Variants in SNX14 observed in about 807,000 individuals in gnomAD.
SNX14 encodes sorting nexin 14.
Under a neutral mutation model 133.8 loss-of-function variants are expected in SNX14, and 93 were observed. The ratio of observed to expected loss-of-function variants is 0.70; its 90% confidence interval spans 0.59 to 0.83. The LOEUF is 0.83. SNX14 is among the 40% of genes least tolerant of loss of function. The pLI, the probability that SNX14 is intolerant of heterozygous loss-of-function variation, is 0.00. For missense variants in SNX14, 945 were observed against 1,094.9 expected (o/e 0.86, Z 1.93); for synonymous variants, 368 against 365.6 (o/e 1.01, Z -0.07).
At chr6:85,528,130 A>G (rs1266943046) in intron 20 of SNX14, 132 bp downstream of exon 20, 1 of 554,802 alleles carries the variant, frequency 1.8e-6, no homozygotes, top group Admixed American at 3.5e-5. Context: ...TCACAAGGAA[A>G]AATATTTTCT....
chr6:85,562,882 C>A (rs946943524), intron 6 of SNX14, among the ~76,000 whole-genome samples: 1 of 151,992 alleles, frequency 6.6e-6, no homozygotes, highest in African/African-American at 2.4e-5. Flanking sequence ...CGGTGCATGG[C>A]CTGGAGTATA....
At position 85,549,894 on chromosome 6, in the gene SNX14, G is replaced by A; in HGVS notation, c.635-15C>T. On this transcript the variant is annotated splice_polypyrimidine_tract_variant and intron_variant, in intron 7 of 28. Coordinates refer to ENST00000314673, the MANE Select transcript of SNX14 (RefSeq NM_153816.6). ...TGTATTTTTTACTATAGAGATTAAA[G>A]ATAAATATTGAAACAAGTTAAGTGA... 6.3e-7 allele frequency: 1 copy of A among 1,579,722 alleles called. No individual in the cohort carries two copies.
intron 21 of SNX14, among the ~76,000 whole-genome samples, chr6:85,519,549 G>T (rs1158797294): frequency 1.3e-5 from 2 of 152,180 alleles, no homozygotes; most frequent in African/African-American, 4.8e-5. Context: ...AGGATCACTT[G>T]AGCCCAGGAT....
In SNX14 at chr6:85,542,026, T is replaced by C; in HGVS notation, c.1407A>G (p.Leu469=). Reference sequence around the variant, plus strand: ...TGCGTGTTGGTGATTCTGCACCTCTTAAAAGTTGTCTGAAATACTTTAAAA... The same window carrying C: ...TGCGTGTTGGTGATTCTGCACCTCTCAAAAGTTGTCTGAAATACTTTAAAA... ...CHSDEYFRQL[L]RGAESPTRNS... is the part of the protein sequence containing the mutation. The change falls in exon 15 of 29, where the codon TTA becomes TTG. Residue 469 remains leucine, a synonymous_variant. Transcript: ENST00000314673. 2.5e-6 allele frequency: 4 copies of C among 1,587,378 alleles called. No individual in the cohort carries two copies. The highest frequency in any genetic ancestry group is 3.4e-6 in the Non-Finnish European group (4 of 1,167,840).
intron 12 of SNX14, among the ~76,000 whole-genome samples, chr6:85,544,165 A>T (rs1784762973): frequency 6.6e-6 from 1 of 152,200 alleles, no homozygotes; most frequent in African/African-American, 2.4e-5. Flanking sequence ...TATTTCTATC[A>T]TGAACGCTGC....
At chr6:85,570,001 T>C (rs1398660669) in intron 4 of SNX14, among the ~76,000 whole-genome samples, 1 of 152,202 alleles carries the variant, frequency 6.6e-6, no homozygotes, top group Non-Finnish European at 1.5e-5. Context: ...ACACTATTAG[T>C]CTGGCAAACC....
intron 1 of SNX14, among the ~76,000 whole-genome samples, chr6:85,579,334 T>C (rs1010209723): frequency 6.6e-6 from 1 of 151,762 alleles, no homozygotes; most frequent in African/African-American, 2.4e-5. Flanking sequence ...AAAAGAACCA[T>C]AAGGAGAGAG....
chr6:85,558,790 A>G (rs1790582612), intron 6 of SNX14, among the ~76,000 whole-genome samples: 1 of 152,112 alleles, frequency 6.6e-6, no homozygotes. Flanking sequence ...CCTGGTTTCA[A>G]GATATATGGA....
chr6:85,515,897 A>C (rs373405415), intron 23 of SNX14, among the ~76,000 whole-genome samples: 1 of 152,326 alleles, frequency 6.6e-6, no homozygotes, highest in African/African-American at 2.4e-5. Flanking sequence ...CTAAAATAAA[A>C]GTTGAAATAA....
intron 7 of SNX14, among the ~76,000 whole-genome samples, chr6:85,552,060 G>A (rs1449772487): frequency 3.1e-5 from 4 of 130,476 alleles, no homozygotes; most frequent in Non-Finnish European, 4.7e-5. Flanking sequence ...TTTTTGAGAC[G>A]GAGTCTCGCT....
rs188177810 is a variant in SNX14, at chr6:85,520,736, A to G, written c.2108-2688T>C. On this transcript the variant is annotated intron_variant, in intron 21 of 28. Coordinates refer to ENST00000314673, the MANE Select transcript of SNX14 (RefSeq NM_153816.6). ...TTGATGTTTATGTAAAAAGAATCAG[A>G]CTGTATATATTCTTTCATGTTTTGT... Among the ~76,000 whole-genome samples, 411 of 152,290 alleles carry G rather than the reference A, an allele frequency of 2.7e-3. 3 individuals carry two copies. The highest frequency in any genetic ancestry group is 9.3e-3 in the African/African-American group (388 of 41,546).
At chr6:85,583,285 A>T (rs370286929) in intron 1 of SNX14, among the ~76,000 whole-genome samples, 1 of 152,182 alleles carries the variant, frequency 6.6e-6, no homozygotes, top group African/African-American at 2.4e-5. Context: ...TTTATGACAA[A>T]CCCACAGCCA....
chr6:85,543,371 G>T, intron 13 of SNX14, 65 bp from the exon 14 acceptor site: 1 of 1,378,412 alleles, frequency 7.3e-7, no homozygotes, highest in Non-Finnish European at 9.6e-7. Context: ...GTTCTAAAAC[G>T]TTTTACTGAA....
Position 85,593,673 on chromosome 6 carries a change from G to A in SNX14, c.46C>T (p.Leu16=), listed in dbSNP as rs766690724. 1.2e-6 allele frequency: 2 copies of A among 1,613,306 alleles called. No individual in the cohort carries two copies. The highest frequency in any genetic ancestry group is 1.3e-5 in the African/African-American group (1 of 74,944). The change falls in exon 1 of 29, where the codon CTG becomes TTG. Residue 16 remains leucine, a synonymous_variant. Coordinates refer to ENST00000314673, the MANE Select transcript of SNX14 (RefSeq NM_153816.6). ...RTMGQKLKQR[L]RLDVGREICR... The stretch of plus-strand genomic sequence containing the variant: ...ATCTCGCGTCCCACGTCCAGTCGCA[G>A]CCGCTGCTTCAGCTTCTGCCCCATC...
chr6:85,508,033 C>G lies in SNX14; in HGVS notation c.2680G>C (p.Glu894Gln). ...AGTCTGATGCTTTCATACTTGGTTT[C>G]TTCACCAATACACTTGACTAACAGA... ...PDLLVKCIGE[E>Q]TKYESIRLLF... is the part of the protein sequence containing the mutation. Residue 894 changes from glutamate (E) to glutamine (Q), a missense_variant, in exon 27 of 29, where the codon GAA becomes CAA. Coordinates refer to ENST00000314673, the MANE Select transcript of SNX14 (RefSeq NM_153816.6). 1 of 1,612,782 alleles carries G rather than the reference C, an allele frequency of 6.2e-7. No homozygotes were observed. The highest frequency in any genetic ancestry group is 1.7e-4 in the Middle Eastern group (1 of 6,052).
At chr6:85,566,711 A>AG (rs1793973127) in intron 5 of SNX14, among the ~76,000 whole-genome samples, 1 of 151,880 alleles carries the variant, frequency 6.6e-6, no homozygotes, top group African/African-American at 2.4e-5. Flanking sequence ...GAAAAAAAAA[A>AG]GAAAGAAAAG....
At chr6:85,507,718 T>C (rs1000872824) in intron 27 of SNX14, among the ~76,000 whole-genome samples, 8 of 152,178 alleles carry the variant, frequency 5.3e-5, no homozygotes, top group Non-Finnish European at 7.4e-5. Context: ...CTGTATTTCA[T>C]GAATTTTCTA....
At chr6:85,528,122 A>ATTCTAAAATT (rs1198524019) in intron 20 of SNX14, 140 bp downstream of exon 20, 2 of 519,372 alleles carry the variant, frequency 3.9e-6, no homozygotes, top group Non-Finnish European at 6.4e-6. Context: ...TCTAAAATTC[A>ATTCTAAAATT]CAAGGAAAAA....
At chr6:85,591,239 C>T (rs548657062) in intron 1 of SNX14, among the ~76,000 whole-genome samples, 18 of 148,324 alleles carry the variant, frequency 1.2e-4, no homozygotes, top group East Asian at 9.9e-4. Flanking sequence ...TGTGTGTGTA[C>T]GTGAATACAC....
Sources: allele counts gnomAD v4.1 joint callset (sites outside exome capture counted in the v4.1 genomes callset), GRCh38; gene constraint gnomAD v4.1.1; transcripts MANE v1.5; gene names NCBI Gene and HGNC (gene_info 2026-07-23, HGNC 2026-07-21).